The following MIEF1 variants were observed in gnomAD, a reference collection of about 807,000 sequenced individuals.
MIEF1 encodes mitochondrial dynamics protein MIEF1.
A neutral mutation model predicts 35.1 loss-of-function variants in MIEF1; 14 were observed. The ratio of observed to expected loss-of-function variants is 0.40; its 90% CI spans 0.26 to 0.62. MIEF1 has a LOEUF of 0.62. MIEF1 is among the 20% of genes least tolerant of loss of function. The probability of loss-of-function intolerance (pLI) is 0.43; values close to 1 mark genes in which losing one functional copy is unlikely to be tolerated. For synonymous variants in MIEF1, 245 were observed against 254.3 expected (o/e 0.96, Z 0.35); for missense variants, 542 against 615.4 (o/e 0.88, Z 1.26).
rs976853796 is a variant in MIEF1, at chr22:39,517,366, T to C, written c.*3043T>C. On this transcript the variant is annotated 3_prime_UTR_variant, in exon 6 of 6. Transcript: ENST00000325301. Reference sequence around the variant, plus strand: ...CTTGGTTATGACTTTTAAAGTTTTATTTAAATAAATGTTGAAGCTCAAGTT... The same window carrying C: ...CTTGGTTATGACTTTTAAAGTTTTACTTAAATAAATGTTGAAGCTCAAGTT... 2 of 261,618 alleles carry C rather than the reference T, an allele frequency of 7.6e-6. No homozygotes were observed. The highest frequency in any genetic ancestry group is 1.1e-4 in the East Asian group (1 of 9,338). 16.2% of individuals were successfully genotyped at this position (261,618 alleles called of 1,614,324 possible). A position where few individuals can be genotyped will look rare whatever the true frequency, so the allele number is the denominator to read the frequency against.
At position 39,517,916 on chromosome 22, in the gene MIEF1, C is replaced by G. The variant is rs1930762974; in HGVS notation, c.*3593C>G. ...CACAACTTGCCTTCTAGTCACTTGC[C>G]TGCCCGCAGTGGTGGTGGATGTGTT... On this transcript the variant is annotated 3_prime_UTR_variant, in exon 6 of 6. Coordinates refer to ENST00000325301, the MANE Select transcript of MIEF1 (RefSeq NM_019008.6). 4.4e-6 allele frequency: 1 copy of G among 228,086 alleles called. No homozygotes were observed. Among genetic ancestry groups the G allele is most frequent in the Non-Finnish European group, 8.9e-6 (1 of 112,174 alleles). The allele number at this position is 228,086 out of a possible 1,614,324, so 14.1% of individuals were successfully genotyped here. A position where few individuals can be genotyped will look rare whatever the true frequency, so the allele number is the denominator to read the frequency against.
intron 2 of MIEF1, among the ~76,000 whole-genome samples, chr22:39,507,272 T>C (rs756527183): frequency 6.6e-6 from 1 of 151,758 alleles, no homozygotes; most frequent in Non-Finnish European, 1.5e-5. Flanking sequence ...TGAGATGGAG[T>C]CTTGCTCTGT....
chr22:39,500,267 T>A (rs1555891756), upstream of MIEF1: 1 of 151,964 alleles, frequency 6.6e-6, no homozygotes, highest in Non-Finnish European at 1.5e-5. Context: ...GGTACGTACA[T>A]GTAAGTGCTA....
Position 39,515,266 on chromosome 22 carries a change from G to A in MIEF1, c.*943G>A, listed in dbSNP as rs557084281. ...GAAGGAACGCAGCCTTAGACATCAG[G>A]TGAGGATGATGGAGGTAGACAGTCG... On this transcript the variant is annotated 3_prime_UTR_variant, in exon 6 of 6. Coordinates refer to ENST00000325301, the MANE Select transcript of MIEF1 (RefSeq NM_019008.6). The A allele has an allele frequency of 1.4e-6, 1 of 717,466 alleles. No homozygotes were observed. Among genetic ancestry groups the A allele is most frequent in the South Asian group, 1.5e-5 (1 of 67,588 alleles). 44.4% of individuals were successfully genotyped at this position (717,466 alleles called of 1,614,324 possible).
Position 39,517,222 on chromosome 22 carries a change from T to C in MIEF1, c.*2899T>C, listed in dbSNP as rs911209258. Reference sequence around the variant, plus strand: ...AGGTTAGCAAACTTTATACGTAGCCTAACACTTAAAAAATGCACTCATTAT... The same window carrying C: ...AGGTTAGCAAACTTTATACGTAGCCCAACACTTAAAAAATGCACTCATTAT... On this transcript the variant is annotated 3_prime_UTR_variant, in exon 6 of 6. Coordinates refer to ENST00000325301, the MANE Select transcript of MIEF1 (RefSeq NM_019008.6). The C allele has an allele frequency of 5.8e-6, 1 of 173,820 alleles. No individual in the cohort carries two copies. Among genetic ancestry groups the C allele is most frequent in the African/African-American group, 2.4e-5 (1 of 41,732 alleles). 10.8% of individuals were successfully genotyped at this position (173,820 alleles called of 1,614,324 possible).
In MIEF1 at chr22:39,512,401, A is replaced by G. The variant is rs1468773494; in HGVS notation, c.492A>G (p.Ile164Met). 6.2e-7 allele frequency: 1 copy of G among 1,614,188 alleles called. No individual in the cohort carries two copies. The highest frequency in any genetic ancestry group is 8.5e-7 in the Non-Finnish European group (1 of 1,180,038). ...QARAKQAAVD[I>M]CAELRSFLRA... ...GGGCCAAGCAAGCTGCTGTGGACAT[A>G]TGTGCCGAGCTCCGGAGCTTCCTGC... The change falls in exon 5 of 6, where the codon ATA becomes ATG. Residue 164 changes from isoleucine to methionine, a missense_variant. Coordinates refer to ENST00000325301, the MANE Select transcript of MIEF1 (RefSeq NM_019008.6).
chr22:39,502,693 G>A (rs1451223944), intron 1 of MIEF1, among the ~76,000 whole-genome samples: 1 of 152,178 alleles, frequency 6.6e-6, no homozygotes, highest in Non-Finnish European at 1.5e-5. Flanking sequence ...ACCCCGGCCC[G>A]GCCCCCACGG....
upstream of MIEF1, chr22:39,502,183 G>A (rs1481063750): frequency 6.6e-6 from 1 of 152,184 alleles, no homozygotes; most frequent in East Asian, 1.9e-4. Context: ...CCAGTCCCTT[G>A]GTGAGGTCAC....
chr22:39,505,365 TA>T (rs1929965992), intron 2 of MIEF1, among the ~76,000 whole-genome samples: 1 of 152,216 alleles, frequency 6.6e-6, no homozygotes, highest in Non-Finnish European at 1.5e-5. Context: ...TTTATTTATT[TA>T]TTTTTTTTGT....
Position 39,514,104 on chromosome 22 carries a change from C to T in MIEF1, c.1173C>T (p.His391=). The change falls in exon 6 of 6, where the codon CAC becomes CAT. Residue 391 remains histidine (H), a synonymous_variant. Transcript: ENST00000325301. ...TASQLTNVIL[H]LAQEEADWSP... is the part of the protein sequence containing the mutation. The stretch of plus-strand genomic sequence containing the variant: ...GCCAGCTAACCAATGTCATCCTCCA[C>T]TTGGCCCAGGAGGAGGCTGACTGGT... 6.2e-7 allele frequency: 1 copy of T among 1,614,230 alleles called. No individual in the cohort carries two copies. The highest frequency in any genetic ancestry group is 1.7e-5 in the Admixed American group (1 of 60,036).
At chr22:39,505,877 A>G (rs1206564927) in intron 2 of MIEF1, among the ~76,000 whole-genome samples, 1 of 152,144 alleles carries the variant, frequency 6.6e-6, no homozygotes, top group Non-Finnish European at 1.5e-5. Context: ...GATGAAGAGT[A>G]ACTGGGTGTA....
In MIEF1 at chr22:39,514,068, C is replaced by G. The variant is rs987565346; in HGVS notation, c.1137C>G (p.His379Gln). The change falls in exon 6 of 6, where the codon CAC becomes CAG. Residue 379 changes from histidine to glutamine, a missense_variant. By Grantham distance (24) the His-to-Gln change is conservative. Coordinates refer to ENST00000325301, the MANE Select transcript of MIEF1 (RefSeq NM_019008.6). The stretch of plus-strand genomic sequence containing the variant: ...GCAAGTCCACCCCGGCTCTGGGCCA[C>G]CTCACTGCCAGCCAGCTAACCAATG... ...AICKSTPALG[H>Q]LTASQLTNVI... The G allele has an allele frequency of 1.9e-6, 3 of 1,614,056 alleles. No individual in the cohort carries two copies. Among genetic ancestry groups the G allele is most frequent in the Middle Eastern group, 1.6e-4 (1 of 6,084 alleles).
rs1028559220 is a variant in MIEF1, at chr22:39,506,076, T to G, written c.-8+1542T>G. Among the ~76,000 whole-genome samples, 4 of 152,130 alleles carry G rather than the reference T, an allele frequency of 2.6e-5. No homozygotes were observed. The East Asian group carries it at 7.7e-4, about 29-fold the overall frequency. ...TGCACAGGGAGGGTTGGCTAGCGGA[T>G]CTAGGAGGGAATTAGGGCGTTCCTT... On this transcript the variant is annotated intron_variant, in intron 2 of 5. Transcript: ENST00000325301.
rs1215595078 is a variant in MIEF1 at position 39,504,331 on chromosome 22, C to G, written c.-211C>G. ...ACTGATCGAGACTTCTACTTTGCCT[C>G]CATCCGCCGTGAATTCCGAAAAAAT... is the stretch of plus-strand genomic sequence containing the variant. On this transcript the variant is annotated 5_prime_UTR_variant, in exon 2 of 6. Coordinates refer to ENST00000325301, the MANE Select transcript of MIEF1 (RefSeq NM_019008.6). The G allele has an allele frequency of 2.5e-6, 1 of 399,074 alleles. No homozygotes were observed. Among genetic ancestry groups the G allele is most frequent in the African/African-American group, 2.1e-5 (1 of 48,746 alleles). The allele number at this position is 399,074 out of a possible 1,614,324, so 24.7% of individuals were successfully genotyped here.
chr22:39,501,476 G>T (rs1253098333), upstream of MIEF1, among the ~76,000 whole-genome samples: 1 of 152,216 alleles, frequency 6.6e-6, no homozygotes, highest in Admixed American at 6.5e-5. Context: ...GGAGCCAGCG[G>T]TGGCCCCGGT....
In MIEF1 at chr22:39,517,434, C is replaced by T; in HGVS notation, c.*3111C>T. 2.5e-6 allele frequency: 1 copy of T among 394,084 alleles called. No individual in the cohort carries two copies. The highest frequency in any genetic ancestry group is 5.4e-6 in the Non-Finnish European group (1 of 186,166). The allele number at this position is 394,084 out of a possible 1,614,324, so 24.4% of individuals were successfully genotyped here. Reference sequence around the variant, plus strand: ...GGCCCACGGTCTCCTGGGTCCCGGCCACCTGTCCATATTCCACATTTGCTG... The same window carrying T: ...GGCCCACGGTCTCCTGGGTCCCGGCTACCTGTCCATATTCCACATTTGCTG... On this transcript the variant is annotated 3_prime_UTR_variant, in exon 6 of 6. Transcript: ENST00000325301.
intron 2 of MIEF1, among the ~76,000 whole-genome samples, chr22:39,509,102 G>C (rs765186995): frequency 6.6e-6 from 1 of 151,900 alleles, no homozygotes; most frequent in Non-Finnish European, 1.5e-5. Context: ...TTACAGGCAT[G>C]CACCATCATG....
chr22:39,502,739 C>T (rs1398989362), intron 1 of MIEF1, among the ~76,000 whole-genome samples: 3 of 152,256 alleles, frequency 2.0e-5, no homozygotes, highest in Admixed American at 2.0e-4. Context: ...CTCAGCCGCC[C>T]AGTCGCCCAG....
At chr22:39,504,046 G>T (rs1032379655) in intron 1 of MIEF1, among the ~76,000 whole-genome samples, 157 bp from the exon 2 acceptor site, 1 of 152,350 alleles carries the variant, frequency 6.6e-6, no homozygotes, top group Admixed American at 6.5e-5. Context: ...GCATCCAGAG[G>T]CTGGGGTCTC....
Sources: gnomAD v4.1 joint callset for allele counts (sites outside exome capture counted in the v4.1 genomes callset) on GRCh38, gnomAD v4.1.1 for gene constraint, MANE v1.5 for transcripts, NCBI Gene and HGNC (gene_info 2026-07-23, HGNC 2026-07-21) for gene names.